PDE11A: variants seen among roughly 807,000 people sequenced by gnomAD.
The protein encoded by PDE11A is dual 3',5'-cyclic-AMP and -GMP phosphodiesterase 11A.
A neutral mutation model predicts 100.5 loss-of-function variants in PDE11A; 100 were observed. The ratio of observed to expected loss-of-function variants is 1.00; its 90% CI spans 0.85 to 1.18. PDE11A has a LOEUF of 1.18. Ranked by LOEUF, PDE11A falls within the 50% of genes most tolerant of loss-of-function variation. The pLI is 0.00. For synonymous variants in PDE11A, 381 were observed against 420.8 expected, an observed-to-expected ratio of 0.91 and a Z score of 1.16; for missense variants, 1,141 against 1,152.6, an observed-to-expected ratio of 0.99 and a Z score of 0.15.
intron 1 of PDE11A, among the ~76,000 whole-genome samples, chr2:178,053,082 T>C (rs552966576): frequency 1.4e-4 from 22 of 152,206 alleles, no homozygotes; most frequent in Non-Finnish European, 2.9e-4. Context: ...TTTAGACCAA[T>C]ATCCCTGGTG....
intron 18 of PDE11A, among the ~76,000 whole-genome samples, chr2:177,669,247 C>A (rs1234461374): frequency 6.6e-6 from 1 of 152,142 alleles, no homozygotes; most frequent in Non-Finnish European, 1.5e-5. Context: ...CTTTGCTCAT[C>A]CTCCCTCGTG....
At chr2:177,631,311 C>A (rs80086805) in intron 19 of PDE11A, among the ~76,000 whole-genome samples, 4,688 of 35,722 alleles carry the variant, frequency 0.13, 248 homozygotes, top group South Asian at 0.21. Context: ...AAAAAAAAAA[C>A]AAAAAAAAAA....
intron 10 of PDE11A, among the ~76,000 whole-genome samples, chr2:177,755,355 C>T (rs2082077035): frequency 6.6e-6 from 1 of 152,126 alleles, no homozygotes; most frequent in African/African-American, 2.4e-5. Context: ...GCAGACAGAG[C>T]GATCACTTGT....
chr2:177,667,484 T>C (rs754669255), intron 18 of PDE11A, among the ~76,000 whole-genome samples: 22 of 152,184 alleles, frequency 1.4e-4, no homozygotes, highest in Non-Finnish European at 3.2e-4. Flanking sequence ...CAGTTGTCCT[T>C]GAACCATTGT....
chr2:177,917,550 A>G (rs914941248), intron 2 of PDE11A, among the ~76,000 whole-genome samples: 1 of 152,248 alleles, frequency 6.6e-6, no homozygotes, highest in Non-Finnish European at 1.5e-5. Context: ...TCTTACACAT[A>G]TTAAATACTA....
intron 9 of PDE11A, among the ~76,000 whole-genome samples, chr2:177,791,535 A>C (rs970068050): frequency 6.6e-5 from 1 of 15,170 alleles, no homozygotes; most frequent in Admixed American, 9.8e-4. Context: ...CTTAAAGTAT[A>C]AAAAAAAAAA....
At chr2:177,802,793 A>G (rs947228175) in intron 9 of PDE11A, among the ~76,000 whole-genome samples, 1 of 152,018 alleles carries the variant, frequency 6.6e-6, no homozygotes, top group African/African-American at 2.4e-5. Context: ...TTTTAAGCTA[A>G]TACATTTTGG....
At chr2:177,676,946 C>T (rs2080785256) in intron 16 of PDE11A, among the ~76,000 whole-genome samples, 1 of 152,178 alleles carries the variant, frequency 6.6e-6, no homozygotes, top group African/African-American at 2.4e-5. Flanking sequence ...GATTCTGTGC[C>T]TATCACAAAG....
At chr2:177,629,910 T>C (rs1359714386) in intron 19 of PDE11A, among the ~76,000 whole-genome samples, 2 of 152,172 alleles carry the variant, frequency 1.3e-5, no homozygotes, top group Non-Finnish European at 2.9e-5. Context: ...CGTGTGCATC[T>C]TTGCCTGCCA....
intron 5 of PDE11A, among the ~76,000 whole-genome samples, chr2:177,871,524 AAATTATT>A (rs1558983839): frequency 2.2e-4 from 30 of 134,226 alleles, no homozygotes; most frequent in African/African-American, 8.0e-4. Flanking sequence ...AGTCAGTAGT[AAATTATT>A]ATTATTATTA....
chr2:177,836,427 C>T (rs2083400650), intron 6 of PDE11A, among the ~76,000 whole-genome samples: 1 of 152,200 alleles, frequency 6.6e-6, no homozygotes, highest in South Asian at 2.1e-4. Flanking sequence ...CTGATGCGGA[C>T]TTGGAGAACT....
Position 177,816,885 on chromosome 2 carries a change from T to C in PDE11A, c.1681A>G (p.Thr561Ala). The change falls in exon 9 of 20, where the codon ACA becomes GCA. Residue 561 changes from threonine to alanine, a missense_variant. Transcript: ENST00000286063. ...TTCTTCACTTGATCATACATAATTGTGTTGTTGATGCCAAGTCCACAAAAG... is the reference window on the plus strand; with the variant it reads ...TTCTTCACTTGATCATACATAATTGCGTTGTTGATGCCAAGTCCACAAAAG... ...VIFCGLGINN[T>A]IMYDQVKKSW... 6.2e-7 allele frequency: 1 copy of C among 1,611,130 alleles called. No individual in the cohort carries two copies. Among genetic ancestry groups the C allele is most frequent in the Non-Finnish European group, 8.5e-7 (1 of 1,177,412 alleles).
At chr2:177,962,135 T>C (rs78953177) in intron 2 of PDE11A, among the ~76,000 whole-genome samples, 1,764 of 150,226 alleles carry the variant, frequency 0.012, 36 homozygotes, top group African/African-American at 0.041. Context: ...GTTTGGGAAA[T>C]GCTACTTTAT....
rs115720778 is a variant in PDE11A at position 177,629,948 on chromosome 2, T to A, written c.2647-386A>T. ...GAGGGCTCCAGATCTCAATTGACTA[T>A]GCACTTAAATTTTTACAAAATAATC... On this transcript the variant is annotated intron_variant, in intron 19 of 19. Transcript: ENST00000286063. Among the ~76,000 whole-genome samples, 7 of 152,312 alleles carry A rather than the reference T, an allele frequency of 4.6e-5. No individual in the cohort carries two copies. In the East Asian group the frequency reaches 7.7e-4, roughly 17 times the overall value.
intron 9 of PDE11A, among the ~76,000 whole-genome samples, chr2:177,784,625 T>C (rs990711106): frequency 2.0e-5 from 3 of 152,242 alleles, no homozygotes; most frequent in African/African-American, 4.8e-5. Context: ...TCTGTCACTT[T>C]ACTGCTGGCT....
At position 177,866,001 on chromosome 2, in the gene PDE11A, G is replaced by A. The variant is rs139323351; in HGVS notation, c.1367+9858C>T. ...AACACCTTAAAATGTTGATTTTGTG[G>A]TATATGAATTACATCTCAAGAAAAA... is the stretch of plus-strand genomic sequence containing the variant. On this transcript the variant is annotated intron_variant, in intron 5 of 19. Coordinates refer to ENST00000286063, the MANE Select transcript of PDE11A (RefSeq NM_016953.4). 1.3e-3 allele frequency among the ~76,000 whole-genome samples: 191 copies of A among 152,044 alleles called. 2 individuals are homozygous for A. Among genetic ancestry groups the A allele is most frequent in the African/African-American group, 4.2e-3 (176 of 41,468 alleles).
At chr2:178,037,528 C>T (rs752875286) in intron 1 of PDE11A, among the ~76,000 whole-genome samples, 41 of 152,102 alleles carry the variant, frequency 2.7e-4, no homozygotes, top group Non-Finnish European at 5.7e-4. Context: ...TGGGTATATA[C>T]CCAAAGGATT....
At chr2:177,983,019 T>A (rs1176612548) in intron 2 of PDE11A, among the ~76,000 whole-genome samples, 1 of 150,542 alleles carries the variant, frequency 6.6e-6, no homozygotes, top group Non-Finnish European at 1.5e-5. Context: ...GAATTTGCAG[T>A]GACCTGAGAT....
At chr2:177,907,664 A>C (rs557088490) in intron 2 of PDE11A, among the ~76,000 whole-genome samples, 3 of 152,222 alleles carry the variant, frequency 2.0e-5, no homozygotes, top group Non-Finnish European at 4.4e-5. Context: ...TGCTTATACA[A>C]TGAACAGCCT....
Sources: allele counts gnomAD v4.1 joint callset (sites outside exome capture counted in the v4.1 genomes callset), GRCh38; gene constraint gnomAD v4.1.1; transcripts MANE v1.5; gene names NCBI Gene and HGNC (gene_info 2026-07-23, HGNC 2026-07-21).